Variants in TUSC3 observed in about 807,000 individuals in gnomAD.
The protein encoded by TUSC3 is dolichyl-diphosphooligosaccharide--protein glycosyltransferase subunit TUSC3.
A neutral mutation model predicts 44.8 loss-of-function variants in TUSC3; 45 were observed. That is an observed-to-expected ratio of 1.00 (90% CI 0.79 to 1.29). The LOEUF (loss-of-function observed/expected upper bound fraction) is 1.29. TUSC3 is among the 50% of genes most tolerant of loss of function. The probability of loss-of-function intolerance (pLI) is 0.00; values close to 1 mark genes in which losing one functional copy is unlikely to be tolerated. For synonymous variants in TUSC3, 212 were observed against 152.9 expected (o/e 1.39, Z -2.85); for missense variants, 519 against 437.9 (o/e 1.19, Z -1.65).
intron 1 of TUSC3, among the ~76,000 whole-genome samples, chr8:15,602,665 TA>T (rs1804337645): frequency 1.0e-5 from 1 of 97,682 alleles, no homozygotes; most frequent in Non-Finnish European, 2.1e-5. Context: ...AAAATATTTA[TA>T]TGTGTGTGTG....
chr8:15,516,131 T>C (rs892439949), intron 2 of TUSC3, among the ~76,000 whole-genome samples: 4 of 152,192 alleles, frequency 2.6e-5, no homozygotes, highest in African/African-American at 4.8e-5. Context: ...TTAATGACTT[T>C]CATGGTTGAG....
chr8:15,817,526 G>A, the TUSC3 span, among the ~76,000 whole-genome samples: 59 of 152,106 alleles, frequency 3.9e-4, no homozygotes, highest in Non-Finnish European at 5.7e-4. Flanking sequence ...TTGAATCATG[G>A]GGGTGGTTAC....
intron 2 of TUSC3, among the ~76,000 whole-genome samples, chr8:15,492,516 A>C (rs1292850166): frequency 6.6e-6 from 1 of 152,222 alleles, no homozygotes; most frequent in Non-Finnish European, 1.5e-5. Context: ...GACTGCCCCA[A>C]GACTGAAGAC....
the TUSC3 span, among the ~76,000 whole-genome samples, chr8:15,772,534 A>C: frequency 6.6e-6 from 1 of 152,324 alleles, no homozygotes; most frequent in South Asian, 2.1e-4. Flanking sequence ...AAAACCTCCC[A>C]ATAAAGGAAA....
At chr8:15,803,017 T>C in the TUSC3 span, among the ~76,000 whole-genome samples, 32 of 152,138 alleles carry the variant, frequency 2.1e-4, no homozygotes, top group African/African-American at 6.8e-4. Flanking sequence ...TATGGTAATA[T>C]TGGCTCAAAG....
chr8:15,675,684 G>A (rs978658512), intron 6 of TUSC3, among the ~76,000 whole-genome samples: 4 of 152,012 alleles, frequency 2.6e-5, no homozygotes, highest in Admixed American at 1.3e-4. Flanking sequence ...TTATAAGAAC[G>A]TGCAGTACTT....
At chr8:15,713,180 C>G (rs1240955038) in intron 6 of TUSC3, among the ~76,000 whole-genome samples, 1 of 152,138 alleles carries the variant, frequency 6.6e-6, no homozygotes, top group African/African-American at 2.4e-5. Context: ...GCCTCCCTTT[C>G]ATTATTCTCT....
chr8:15,437,522 T>G (rs569959438), intron 1 of TUSC3, among the ~76,000 whole-genome samples: 67 of 152,356 alleles, frequency 4.4e-4, no homozygotes, highest in Non-Finnish European at 8.4e-4. Flanking sequence ...AAAAGAATTT[T>G]TAACTTTCTC....
the TUSC3 span, among the ~76,000 whole-genome samples, chr8:15,805,994 G>C: frequency 3.9e-5 from 6 of 152,202 alleles, no homozygotes; most frequent in Non-Finnish European, 8.8e-5. Flanking sequence ...TTATGAGCCA[G>C]AAGTTGTACT....
chr8:15,541,947 A>G (rs1207003117), intron 1 of TUSC3, among the ~76,000 whole-genome samples: 3 of 151,654 alleles, frequency 2.0e-5, no homozygotes, highest in Non-Finnish European at 2.9e-5. Context: ...GACCACGCCA[A>G]TTTTCATTTG....
chr8:15,437,201 T>C (rs999534304), intron 1 of TUSC3, among the ~76,000 whole-genome samples: 3 of 152,176 alleles, frequency 2.0e-5, no homozygotes, highest in African/African-American at 7.2e-5. Flanking sequence ...TTGTATTACA[T>C]GAACAAAGAA....
intron 6 of TUSC3, among the ~76,000 whole-genome samples, chr8:15,707,740 G>C (rs1809677047): frequency 6.6e-6 from 1 of 151,948 alleles, no homozygotes; most frequent in South Asian, 2.1e-4. Flanking sequence ...CTGGGTGTGT[G>C]AATTTTCTAG....
chr8:15,536,350 T>C (rs979994656), upstream of TUSC3, among the ~76,000 whole-genome samples: 2 of 152,076 alleles, frequency 1.3e-5, no homozygotes, highest in Admixed American at 6.6e-5. Context: ...CACTGATTTA[T>C]GTATTAAAAG....
At chr8:15,534,877 G>A (rs773933938) in intron 2 of TUSC3, among the ~76,000 whole-genome samples, 5 of 152,132 alleles carry the variant, frequency 3.3e-5, no homozygotes, top group Non-Finnish European at 7.4e-5. Flanking sequence ...TTACTTGAAC[G>A]CAGTTTGAAC....
At chr8:15,444,954 C>G (rs759018438) in intron 1 of TUSC3, among the ~76,000 whole-genome samples, 1 of 152,246 alleles carries the variant, frequency 6.6e-6, no homozygotes, top group Admixed American at 6.5e-5. Flanking sequence ...CTACGAACTT[C>G]AGATGCAGGA....
At chr8:15,571,852 T>C (rs1339716656) in intron 1 of TUSC3, among the ~76,000 whole-genome samples, 1 of 152,272 alleles carries the variant, frequency 6.6e-6, no homozygotes, top group East Asian at 1.9e-4. Context: ...AGCTGTAATA[T>C]ATTGAGAGGA....
chr8:15,673,712 G>A (rs1265274624), intron 5 of TUSC3, 35 bp from the exon 6 acceptor site: 1 of 1,495,754 alleles, frequency 6.7e-7, no homozygotes, highest in Admixed American at 1.7e-5. Context: ...GTATTCTCTG[G>A]TTTACATATT....
chr8:15,704,447 T>C (rs1809533241), intron 6 of TUSC3, among the ~76,000 whole-genome samples: 1 of 151,938 alleles, frequency 6.6e-6, no homozygotes, highest in Admixed American at 6.6e-5. Context: ...ATCTAAGTGA[T>C]GTGGAAGCCA....
chr8:15,810,853 A>G, the TUSC3 span, among the ~76,000 whole-genome samples: 13 of 152,058 alleles, frequency 8.5e-5, no homozygotes, highest in African/African-American at 3.1e-4. Flanking sequence ...TGACGTAAAG[A>G]TCCGCAACAT....
Sources: gnomAD v4.1 joint callset for allele counts (sites outside exome capture counted in the v4.1 genomes callset) on GRCh38, gnomAD v4.1.1 for gene constraint, MANE v1.5 for transcripts, NCBI Gene and HGNC (gene_info 2026-07-23, HGNC 2026-07-21) for gene names.